Variants in ITPR2 observed in about 807,000 individuals in gnomAD.
The protein encoded by ITPR2 is inositol 1,4,5-trisphosphate-gated calcium channel ITPR2.
Under a neutral mutation model 317.1 loss-of-function variants are expected in ITPR2, and 207 were observed. The observed-to-expected ratio is 0.65, with a 90% CI of 0.58 to 0.73. The LOEUF is 0.73. Ranked by LOEUF, ITPR2 falls within the 30% of genes least tolerant of loss-of-function variation. ITPR2 has a pLI of 0.00. For missense variants in ITPR2, 2,613 were observed against 3,284.0 expected, an observed-to-expected ratio of 0.80 and a Z score of 4.99; for synonymous variants, 1,156 against 1,149.1, an observed-to-expected ratio of 1.01 and a Z score of -0.12.
intron 54 of ITPR2, among the ~76,000 whole-genome samples, chr12:26,395,975 T>A (rs1328150462): frequency 6.6e-6 from 1 of 152,144 alleles, no homozygotes; most frequent in African/African-American, 2.4e-5. Flanking sequence ...AATACCTAAG[T>A]GAAAAGCCAG....
intron 2 of ITPR2, among the ~76,000 whole-genome samples, chr12:26,756,586 C>T (rs1453770382): frequency 6.6e-6 from 1 of 152,188 alleles, no homozygotes; most frequent in Admixed American, 6.5e-5. Context: ...CCAGATATTG[C>T]CTCTTGTCGG....
intron 34 of ITPR2, among the ~76,000 whole-genome samples, chr12:26,578,254 C>T (rs1319426696): frequency 2.0e-5 from 3 of 152,086 alleles, no homozygotes; most frequent in Non-Finnish European, 1.5e-5. Context: ...AATCTACTCA[C>T]CTTCCTTTAG....
intron 13 of ITPR2, among the ~76,000 whole-genome samples, chr12:26,669,181 T>C (rs1300636056): frequency 6.6e-6 from 1 of 151,622 alleles, no homozygotes. Flanking sequence ...GAAGGAAAAT[T>C]ATTCTACATA....
At chr12:26,761,847 A>G (rs1291352498) in intron 2 of ITPR2, among the ~76,000 whole-genome samples, 1 of 152,238 alleles carries the variant, frequency 6.6e-6, no homozygotes, top group Admixed American at 6.5e-5. Flanking sequence ...ACCACCAAAC[A>G]AAAACCAGGA....
chr12:26,622,597 T>C (rs566649056), intron 24 of ITPR2, among the ~76,000 whole-genome samples, 192 bp from the exon 25 acceptor site: 28 of 152,292 alleles, frequency 1.8e-4, no homozygotes, highest in African/African-American at 6.5e-4. Context: ...CTTGTGTCTG[T>C]CCATGAAAGC....
intron 42 of ITPR2, 85 bp downstream of exon 42, chr12:26,483,613 A>C: frequency 5.2e-6 from 5 of 966,976 alleles, no homozygotes; most frequent in South Asian, 4.2e-5. Flanking sequence ...CAAAGCAAGA[A>C]GAAAGATCTT....
chr12:26,703,516 T>C (rs777479058), intron 9 of ITPR2, among the ~76,000 whole-genome samples: 3 of 152,180 alleles, frequency 2.0e-5, no homozygotes, highest in Non-Finnish European at 4.4e-5. Flanking sequence ...GTCCTGTGTA[T>C]AGTAGGATGT....
chr12:26,632,638 C>T (rs1488182279), intron 21 of ITPR2, among the ~76,000 whole-genome samples: 1 of 152,178 alleles, frequency 6.6e-6, no homozygotes. Flanking sequence ...AGCCAATACA[C>T]TTCCCATTCC....
At chr12:26,409,762 A>T (rs1352972108) in intron 52 of ITPR2, among the ~76,000 whole-genome samples, 1 of 152,224 alleles carries the variant, frequency 6.6e-6, no homozygotes, top group Non-Finnish European at 1.5e-5. Context: ...ATCAGGATCC[A>T]TACGGACACC....
At chr12:26,548,503 C>A (rs1944443260) in intron 37 of ITPR2, among the ~76,000 whole-genome samples, 1 of 152,136 alleles carries the variant, frequency 6.6e-6, no homozygotes, top group Non-Finnish European at 1.5e-5. Flanking sequence ...CATTCATGGC[C>A]CTTGGCAAGC....
intron 2 of ITPR2, among the ~76,000 whole-genome samples, chr12:26,774,846 A>C (rs1005081994): frequency 1.3e-5 from 2 of 152,218 alleles, no homozygotes; most frequent in African/African-American, 4.8e-5. Context: ...GCAGAAGTGT[A>C]TTGTGGAACG....
At chr12:26,706,476 G>A (rs902486067) in intron 9 of ITPR2, among the ~76,000 whole-genome samples, 1 of 152,020 alleles carries the variant, frequency 6.6e-6, no homozygotes, top group African/African-American at 2.4e-5. Flanking sequence ...TTTGTATGGT[G>A]CCACACACCT....
intron 37 of ITPR2, among the ~76,000 whole-genome samples, chr12:26,530,567 C>T (rs1943920824): frequency 6.6e-6 from 1 of 152,164 alleles, no homozygotes; most frequent in African/African-American, 2.4e-5. Flanking sequence ...ATCAAGACAG[C>T]TAATATTTCT....
At chr12:26,465,870 G>A (rs1942159388) in intron 45 of ITPR2, among the ~76,000 whole-genome samples, 1 of 152,176 alleles carries the variant, frequency 6.6e-6, no homozygotes, top group Admixed American at 6.5e-5. Context: ...TGGTCTCAAG[G>A]AGGGAGACAT....
chr12:26,589,773 C>T lies in ITPR2; in HGVS notation c.4380+5692G>A, dbSNP rs1223245012. On this transcript the variant is annotated intron_variant, in intron 32 of 56. Coordinates refer to ENST00000381340, the MANE Select transcript of ITPR2 (RefSeq NM_002223.4). ...CTGCACTCCAGCCTGAGTGAAAGAA[C>T]GAAACTCTGTTTCAAAAAAAAAAAT... 6.8e-5 allele frequency among the ~76,000 whole-genome samples: 8 copies of T among 118,342 alleles called. No individual in the cohort carries two copies. In the East Asian group the frequency reaches 8.9e-4, roughly 13 times the overall value. The allele number at this position is 118,342 out of a possible 152,430, so 77.6% of individuals were successfully genotyped here. A position where few individuals can be genotyped will look rare whatever the true frequency, so the allele number is the denominator to read the frequency against.
intron 43 of ITPR2, among the ~76,000 whole-genome samples, chr12:26,480,418 C>T (rs890640118): frequency 1.3e-5 from 2 of 151,968 alleles, no homozygotes; most frequent in African/African-American, 4.8e-5. Flanking sequence ...AGAAGAGAAC[C>T]ATAAAAATAA....
intron 17 of ITPR2, 21 bp from the exon 18 acceptor site, chr12:26,657,913 C>T: frequency 6.2e-7 from 1 of 1,608,600 alleles, no homozygotes; most frequent in Non-Finnish European, 8.5e-7. Flanking sequence ...ATAGCACATA[C>T]AAAAATCTAC....
chr12:26,535,865 A>G (rs1012802797), intron 37 of ITPR2, among the ~76,000 whole-genome samples: 5 of 152,262 alleles, frequency 3.3e-5, no homozygotes, highest in Admixed American at 6.5e-5. Flanking sequence ...AAGGAATCCA[A>G]AAAGAACAAC....
intron 54 of ITPR2, among the ~76,000 whole-genome samples, chr12:26,397,042 G>A (rs1160863580): frequency 1.3e-5 from 2 of 151,790 alleles, no homozygotes; most frequent in African/African-American, 4.8e-5. Flanking sequence ...CTCTGCTTCT[G>A]GTACTGTTTC....
Sources: gnomAD v4.1 joint callset for allele counts (sites outside exome capture counted in the v4.1 genomes callset) on GRCh38, gnomAD v4.1.1 for gene constraint, MANE v1.5 for transcripts, NCBI Gene and HGNC (gene_info 2026-07-23, HGNC 2026-07-21) for gene names.